SLC29A3: variants seen among roughly 807,000 people sequenced by gnomAD.
SLC29A3 encodes solute carrier family 29 member 3, also known as equilibrative nucleoside transporter 3.
SLC29A3 carries 18 observed loss-of-function variants against 25.4 expected under a neutral mutation model. The observed-to-expected ratio is 0.71, with a 90% CI of 0.49 to 1.05. SLC29A3 has a LOEUF of 1.05. Among genes scored for constraint, SLC29A3 ranks in the 50% least tolerant of loss-of-function variants. The pLI, the probability that SLC29A3 is intolerant of heterozygous loss-of-function variation, is 0.00. For synonymous variants in SLC29A3, 258 were observed against 267.1 expected (o/e 0.97, Z 0.33); for missense variants, 586 against 609.0 (o/e 0.96, Z 0.40).
At chr10:71,346,849 C>T (rs1589234499) in intron 3 of SLC29A3, among the ~76,000 whole-genome samples, 1 of 152,168 alleles carries the variant, frequency 6.6e-6, no homozygotes, top group Admixed American at 6.5e-5. Context: ...CCTGTCTCTC[C>T]GGGATTCAGG....
In SLC29A3 at chr10:71,363,216, G is replaced by A; in HGVS notation, c.*608G>A. 2.2e-6 allele frequency: 1 copy of A among 453,708 alleles called. No individual in the cohort carries two copies. The allele number at this position is 453,708 out of a possible 1,614,324, so 28.1% of individuals were successfully genotyped here. The stretch of plus-strand genomic sequence containing the variant: ...TGCTTCATTCCAGAGGGACCAGAGG[G>A]CCTCCCTGTGCAAGGGATCAAGCAT... On this transcript the variant is annotated 3_prime_UTR_variant, in exon 6 of 6. Transcript: ENST00000373189.
At position 71,341,655 on chromosome 10, in the gene SLC29A3, AC is replaced by A. The variant is rs200222936; in HGVS notation, c.301-2553del. ...GGAATCTATCTCTGCCTAGCAAAAT[AC>A]TACAAATGAGTGGCTTAAAACAACC... is the stretch of plus-strand genomic sequence containing the variant. On this transcript the variant is annotated intron_variant, in intron 2 of 5. Transcript: ENST00000373189. Among the ~76,000 whole-genome samples the A allele has an allele frequency of 1.7e-3, 252 of 152,346 alleles. 1 individual carries two copies. The highest frequency in any genetic ancestry group is 5.7e-3 in the African/African-American group (235 of 41,580).
chr10:71,328,708 G>A (rs941325705), intron 2 of SLC29A3, among the ~76,000 whole-genome samples: 5 of 152,224 alleles, frequency 3.3e-5, no homozygotes, highest in African/African-American at 1.2e-4. Flanking sequence ...GCTCTGCAAG[G>A]GAGCAGAAGA....
At chr10:71,352,686 CCTGT>C (rs1846796830) in intron 4 of SLC29A3, 1 of 152,386 alleles carries the variant, frequency 6.6e-6, no homozygotes, top group African/African-American at 2.4e-5. Context: ...CGTGGGTATG[CCTGT>C]GCACGACGTG....
At chr10:71,373,459 G>A (rs941852712) in intron 3 of SLC29A3, among the ~76,000 whole-genome samples, 3 of 152,140 alleles carry the variant, frequency 2.0e-5, no homozygotes, top group African/African-American at 7.2e-5. Flanking sequence ...CAGCCACCTC[G>A]ATTCTTGAAA....
downstream of SLC29A3, among the ~76,000 whole-genome samples, chr10:71,366,725 C>T (rs949092383): frequency 6.6e-6 from 1 of 152,204 alleles, no homozygotes; most frequent in Non-Finnish European, 1.5e-5. Flanking sequence ...GAGCCAGTGT[C>T]ACGCTTTTAT....
intron 5 of SLC29A3, among the ~76,000 whole-genome samples, chr10:71,357,095 G>GCCA (rs1846933377): frequency 6.6e-6 from 1 of 151,958 alleles, no homozygotes; most frequent in Non-Finnish European, 1.5e-5. Flanking sequence ...CTCCAGGTGT[G>GCCA]CCACCACACC....
At chr10:71,354,262 C>T (rs899193766) in intron 4 of SLC29A3, among the ~76,000 whole-genome samples, 1 of 152,170 alleles carries the variant, frequency 6.6e-6, no homozygotes, top group African/African-American at 2.4e-5. Flanking sequence ...TTAACACCCC[C>T]ATTGTATAGA....
Position 71,362,083 on chromosome 10 carries a change from C to G in SLC29A3, c.903C>G (p.Ile301Met). 6.2e-7 allele frequency: 1 copy of G among 1,614,156 alleles called. No individual in the cohort carries two copies. The change falls in exon 6 of 6, where the codon ATC becomes ATG. Residue 301 changes from isoleucine (I) to methionine (M), a missense_variant. Transcript: ENST00000373189. ...IDSHTPPLRP[I>M]LKKTASLGFC... ...CCCACACACCCCCTCTCCGCCCCAT[C>G]CTGAAGAAGACGGCCAGCCTGGGCT...
rs1049301307 is a variant in SLC29A3 at position 71,329,464 on chromosome 10, A to G, written c.300+6410A>G. ...CAGAGCAAGACTCTGTCTCAAAAAA[A>G]AAAAAAAAAGAAAAGAAAATACCCC... On this transcript the variant is annotated intron_variant, in intron 2 of 5. Transcript: ENST00000373189. Among the ~76,000 whole-genome samples the G allele has an allele frequency of 2.0e-5, 3 of 152,048 alleles. No individual in the cohort carries two copies. The South Asian group carries it at 6.2e-4, about 32-fold the overall frequency.
At position 71,351,712 on chromosome 10, in the gene SLC29A3, C is replaced by T. The variant is rs1488367046; in HGVS notation, c.534C>T (p.Ala178=). The T allele has an allele frequency of 6.2e-7, 1 of 1,614,172 alleles. No individual in the cohort carries two copies. The highest frequency in any genetic ancestry group is 1.1e-5 in the South Asian group (1 of 91,084). ...TIVCMVILSG[A]STVFSSSIYG... ...TCTGCATGGTGATCCTCAGCGGTGC[C>T]TCCACTGTCTTCAGCAGCAGCATCT... The change falls in exon 4 of 6, where the codon GCC becomes GCT. Residue 178 remains alanine, a synonymous_variant. Coordinates refer to ENST00000373189, the MANE Select transcript of SLC29A3 (RefSeq NM_018344.6).
At chr10:71,332,892 T>C (rs964390976) in intron 2 of SLC29A3, among the ~76,000 whole-genome samples, 3 of 152,210 alleles carry the variant, frequency 2.0e-5, no homozygotes, top group African/African-American at 7.2e-5. Flanking sequence ...GGCCTCAGCT[T>C]CTCTAGTTCT....
intron 3 of SLC29A3, among the ~76,000 whole-genome samples, chr10:71,372,182 T>A (rs149296451): frequency 2.8e-4 from 42 of 152,362 alleles, no homozygotes; most frequent in African/African-American, 9.4e-4. Context: ...GAAGTCCCTC[T>A]GTCTAATCAG....
At position 71,362,213 on chromosome 10, in the gene SLC29A3, T is replaced by C. The variant is rs1359840542; in HGVS notation, c.1033T>C (p.Phe345Leu). ...KGSGSLWTTKFFIPLTTFLLY... is the reference protein window; with the variant it reads ...KGSGSLWTTKLFIPLTTFLLY... The stretch of plus-strand genomic sequence containing the variant: ...TTCGGGCTCACTGTGGACCACCAAG[T>C]TTTTCATCCCCCTCACTACCTTCCT... The change falls in exon 6 of 6, where the codon TTT becomes CTT. Residue 345 changes from phenylalanine (F) to leucine (L), a missense_variant. By Grantham distance (22) the Phe-to-Leu change is conservative. Coordinates refer to ENST00000373189, the MANE Select transcript of SLC29A3 (RefSeq NM_018344.6). 7 of 1,613,784 alleles carry C rather than the reference T, an allele frequency of 4.3e-6. No individual in the cohort carries two copies. Among genetic ancestry groups the C allele is most frequent in the Admixed American group, 1.7e-5 (1 of 59,990 alleles).
intron 3 of SLC29A3, among the ~76,000 whole-genome samples, chr10:71,350,775 G>T (rs946305894): frequency 6.6e-6 from 1 of 152,178 alleles, no homozygotes; most frequent in South Asian, 2.1e-4. Context: ...TCCAGGGGAG[G>T]CAGTAGAGCA....
chr10:71,375,914 C>T (rs1847248464), intron 4 of SLC29A3: 1 of 152,198 alleles, frequency 6.6e-6, no homozygotes, highest in Non-Finnish European at 1.5e-5. Flanking sequence ...ATAAGAACTT[C>T]TGGGGCCACT....
rs747396162 is a variant in SLC29A3, at chr10:71,362,278, C to T, written c.1098C>T (p.Thr366=). 4.3e-5 allele frequency: 70 copies of T among 1,614,076 alleles called. No homozygotes were observed. The highest frequency in any genetic ancestry group is 1.6e-4 in the Middle Eastern group (1 of 6,084). The part of the protein sequence containing the change: ...NFADLCGRQL[T]AWIQVPGPNS... ...CTGACCTATGTGGCCGGCAGCTCAC[C>T]GCCTGGATCCAGGTGCCAGGGCCCA... The change falls in exon 6 of 6, where the codon ACC becomes ACT. Residue 366 remains threonine, a synonymous_variant. Transcript: ENST00000373189.
chr10:71,355,552 G>A lies in SLC29A3; in HGVS notation c.611-529G>A, dbSNP rs373985952. ...GAGCTCATGGGTGGGCAATGGTGGGGGTTTATAGCCAGTGAGGACACCCCC... is the reference window on the plus strand; with the variant it reads ...GAGCTCATGGGTGGGCAATGGTGGGAGTTTATAGCCAGTGAGGACACCCCC... On this transcript the variant is annotated intron_variant, in intron 4 of 5. Coordinates refer to ENST00000373189, the MANE Select transcript of SLC29A3 (RefSeq NM_018344.6). Among the ~76,000 whole-genome samples, 213 of 152,310 alleles carry A rather than the reference G, an allele frequency of 1.4e-3. 1 individual carries two copies. The highest frequency in any genetic ancestry group is 4.9e-3 in the African/African-American group (202 of 41,552).
At chr10:71,342,219 A>G (rs1023917921) in intron 2 of SLC29A3, among the ~76,000 whole-genome samples, 2 of 152,104 alleles carry the variant, frequency 1.3e-5, no homozygotes, top group Admixed American at 6.5e-5. Context: ...ACAACCCACC[A>G]TGTGTTTCTA....
Sources: gnomAD v4.1 joint callset for allele counts (sites outside exome capture counted in the v4.1 genomes callset) on GRCh38, gnomAD v4.1.1 for gene constraint, MANE v1.5 for transcripts, NCBI Gene and HGNC (gene_info 2026-07-23, HGNC 2026-07-21) for gene names.